The following PAX3 variants were observed in gnomAD, a reference collection of about 807,000 sequenced individuals.
PAX3 encodes the protein paired box 3.
In PAX3, 14 loss-of-function variants were observed where a neutral mutation model predicts 51.6. That is an observed-to-expected ratio of 0.27 (90% CI 0.18 to 0.42). The LOEUF (loss-of-function observed/expected upper bound fraction) is 0.42, where lower values mean the gene tolerates loss of function less well. Among genes scored for constraint, PAX3 ranks in the 10% least tolerant of loss-of-function variants. PAX3 has a pLI of 1.00. For missense variants in PAX3, 540 were observed against 642.8 expected (o/e 0.84, Z 1.73); for synonymous variants, 280 against 253.4 (o/e 1.11, Z -1.00).
chr2:222,245,170 G>C (rs188148598), intron 4 of PAX3, among the ~76,000 whole-genome samples: 1 of 152,096 alleles, frequency 6.6e-6, no homozygotes, highest in Non-Finnish European at 1.5e-5. Context: ...AAAAGAAATA[G>C]AATAAAATTA....
intron 7 of PAX3, among the ~76,000 whole-genome samples, chr2:222,217,729 G>C (rs1241081425): frequency 6.6e-6 from 1 of 152,094 alleles, no homozygotes; most frequent in Non-Finnish European, 1.5e-5. Flanking sequence ...CTCTTCTTTA[G>C]TTAACAAGTA....
chr2:222,297,074 C>G lies in PAX3; in HGVS notation c.225G>C (p.Gln75His). ...AGACGCAGCCGTGGGACACGCGCAGCTGGCGCGAGATGACGCAGGGCCGGA... is the reference window on the plus strand; with the variant it reads ...AGACGCAGCCGTGGGACACGCGCAGGTGGCGCGAGATGACGCAGGGCCGGA... ...HGIRPCVISR[Q>H]LRVSHGCVSK... Residue 75 changes from glutamine (Q) to histidine (H), a missense_variant, in exon 2 of 9, where the codon CAG (glutamine) becomes CAC (histidine). This residue lies in a region of PAX3 where 50 missense variants were observed against 109.3 expected (regional missense o/e 0.46). Coordinates refer to ENST00000392070, the MANE Select transcript of PAX3 (RefSeq NM_181458.4). 6.2e-7 allele frequency: 1 copy of G among 1,614,160 alleles called. No homozygotes were observed. The highest frequency in any genetic ancestry group is 8.5e-7 in the Non-Finnish European group (1 of 1,180,024).
At chr2:222,262,655 CAG>C (rs1693907509) in intron 4 of PAX3, 1 of 151,164 alleles carries the variant, frequency 6.6e-6, no homozygotes, top group African/African-American at 2.4e-5. Flanking sequence ...TGTGGACAAA[CAG>C]AGGACTAGAA....
chr2:222,274,394 C>G (rs187789165), intron 4 of PAX3, among the ~76,000 whole-genome samples: 3 of 152,004 alleles, frequency 2.0e-5, no homozygotes, highest in Admixed American at 2.0e-4. Context: ...CATCTTCGTA[C>G]TTTAAATTTT....
intron 7 of PAX3, among the ~76,000 whole-genome samples, chr2:222,206,625 A>G (rs1691521756): frequency 6.6e-6 from 1 of 152,162 alleles, no homozygotes; most frequent in African/African-American, 2.4e-5. Flanking sequence ...GGTTGTTTAT[A>G]TCTTGATTGG....
intron 4 of PAX3, chr2:222,293,729 C>A (rs750122824): frequency 8.1e-6 from 13 of 1,614,014 alleles, no homozygotes; most frequent in African/African-American, 1.3e-5. Flanking sequence ...TCCTTTAATG[C>A]GAGGAAACTC....
rs1559320493 is a variant in PAX3, at chr2:222,297,122, G to A, written c.177C>T (p.Ile59=). ...RPLPNHIRHK[I]VEMAHHGIRP... is the part of the protein sequence containing the mutation. ...GGATGCCGTGGTGGGCCATCTCCAC[G>A]ATCTTGTGGCGGATGTGGTTGGGCA... The change falls in exon 2 of 9, where the codon ATC becomes ATT. Residue 59 remains isoleucine, a synonymous_variant. Coordinates refer to ENST00000392070, the MANE Select transcript of PAX3 (RefSeq NM_181458.4). 1 of 1,613,298 alleles carries A rather than the reference G, an allele frequency of 6.2e-7. No homozygotes were observed.
At chr2:222,214,220 C>T (rs773670953) in intron 7 of PAX3, among the ~76,000 whole-genome samples, 2 of 152,118 alleles carry the variant, frequency 1.3e-5, no homozygotes, top group African/African-American at 2.4e-5. Flanking sequence ...CACTTAAATG[C>T]TTCTTCCTAA....
intron 7 of PAX3, among the ~76,000 whole-genome samples, chr2:222,204,673 G>C (rs181052872): frequency 6.6e-6 from 1 of 152,096 alleles, no homozygotes; most frequent in African/African-American, 2.4e-5. Flanking sequence ...ATTTTACCAT[G>C]AATAAGTTGT....
At position 222,298,985 on chromosome 2, in the gene PAX3, G is replaced by A. The variant is rs969808812; in HGVS notation, c.-370C>T. On this transcript the variant is annotated 5_prime_UTR_variant, in exon 1 of 9. Transcript: ENST00000392070. Reference sequence around the variant, plus strand: ...CGGCCTGCCTGAGTCTCCTCCTGTGGTGACACCGAGTGCGGGGATCCGGGC... The same window carrying A: ...CGGCCTGCCTGAGTCTCCTCCTGTGATGACACCGAGTGCGGGGATCCGGGC... 1.1e-4 allele frequency: 43 copies of A among 395,434 alleles called. No homozygotes were observed. The South Asian group carries it at 1.3e-3, about 12-fold the overall frequency. 24.5% of individuals were successfully genotyped at this position (395,434 alleles called of 1,614,324 possible). A position where few individuals can be genotyped will look rare whatever the true frequency, so the allele number is the denominator to read the frequency against.
chr2:222,200,762 T>A lies in PAX3; in HGVS notation c.*646A>T, dbSNP rs1361060973. ...TAGCAAGACATGTCCGGGCCATTTATTGACAACTAGATTACAAATGAGGAT... is the reference window on the plus strand; with the variant it reads ...TAGCAAGACATGTCCGGGCCATTTAATGACAACTAGATTACAAATGAGGAT... On this transcript the variant is annotated 3_prime_UTR_variant, in exon 9 of 9. Transcript: ENST00000392070. The A allele has an allele frequency of 7.3e-6, 2 of 275,662 alleles. No homozygotes were observed. The highest frequency in any genetic ancestry group is 4.4e-5 in the African/African-American group (2 of 45,936). 17.1% of individuals were successfully genotyped at this position (275,662 alleles called of 1,614,324 possible).
intron 4 of PAX3, among the ~76,000 whole-genome samples, chr2:222,279,206 G>T (rs2106171404): frequency 6.6e-6 from 1 of 152,210 alleles, no homozygotes; most frequent in Admixed American, 6.5e-5. Context: ...CGACCGCCTG[G>T]GCCTCCCAAA....
intron 7 of PAX3, among the ~76,000 whole-genome samples, chr2:222,204,563 AT>A (rs1210745393): frequency 6.6e-6 from 1 of 152,168 alleles, no homozygotes; most frequent in Non-Finnish European, 1.5e-5. Flanking sequence ...TCAGGAGTAC[AT>A]TTTCGTGTGT....
At chr2:222,242,803 A>G (rs1032862075) in intron 4 of PAX3, 1 of 152,202 alleles carries the variant, frequency 6.6e-6, no homozygotes, top group Non-Finnish European at 1.5e-5. Flanking sequence ...TGCTTATGAA[A>G]TCTAAACCTT....
chr2:222,209,756 G>A (rs1258717785), intron 7 of PAX3, among the ~76,000 whole-genome samples: 1 of 138,172 alleles, frequency 7.2e-6, no homozygotes, highest in Non-Finnish European at 1.5e-5. Flanking sequence ...GCTGGGCATG[G>A]TGGCATGCAC....
intron 4 of PAX3, among the ~76,000 whole-genome samples, chr2:222,275,444 A>T (rs1160740970): frequency 3.3e-5 from 5 of 152,110 alleles, no homozygotes. Context: ...TAGAACAAAA[A>T]AAAAACCCAC....
At chr2:222,230,507 A>G (rs1332201917) in intron 5 of PAX3, among the ~76,000 whole-genome samples, 2 of 152,082 alleles carry the variant, frequency 1.3e-5, no homozygotes, top group African/African-American at 4.8e-5. Flanking sequence ...CACGTGTTAT[A>G]CCTATGTAAC....
intron 5 of PAX3, 70 bp from the exon 6 acceptor site, chr2:222,221,457 T>C: frequency 1.4e-6 from 2 of 1,410,088 alleles, no homozygotes; most frequent in South Asian, 2.3e-5. Context: ...GAATTTTTTA[T>C]GCTAAAACAG....
chr2:222,290,950 G>T (rs945724958), intron 4 of PAX3, among the ~76,000 whole-genome samples: 9 of 151,928 alleles, frequency 5.9e-5, no homozygotes, highest in East Asian at 3.9e-4. Flanking sequence ...GGAGAAGAAG[G>T]GGGGAGGCGG....
Sources: gnomAD v4.1 joint callset for allele counts (sites outside exome capture counted in the v4.1 genomes callset) on GRCh38, gnomAD v4.1.1 for gene constraint, gnomAD v4.1.1 regional missense constraint, MANE v1.5 for transcripts, NCBI Gene and HGNC (gene_info 2026-07-23, HGNC 2026-07-21) for gene names.